The following PHF3 variants were observed in gnomAD, a reference collection of about 807,000 sequenced individuals.
The protein encoded by PHF3 is PHD finger protein 3.
Under a neutral mutation model 178.4 loss-of-function variants are expected in PHF3, and 41 were observed. The ratio of observed to expected loss-of-function variants is 0.23; its 90% confidence interval spans 0.18 to 0.30. PHF3 has a LOEUF of 0.30. Among genes scored for constraint, PHF3 ranks in the 10% least tolerant of loss-of-function variants. The pLI is 1.00. For missense variants in PHF3, 2,346 were observed against 2,398.1 expected, an observed-to-expected ratio of 0.98 and a Z score of 0.45; for synonymous variants, 842 against 800.5, an observed-to-expected ratio of 1.05 and a Z score of -0.88.
intron 4 of PHF3, among the ~76,000 whole-genome samples, chr6:63,687,968 A>G (rs773101582): frequency 2.0e-5 from 3 of 152,022 alleles, no homozygotes; most frequent in Non-Finnish European, 4.4e-5. Flanking sequence ...CGATTACTTC[A>G]ATTTTGTGAA....
Position 63,657,691 on chromosome 6 carries a change from G to T in PHF3, c.244+10896G>T, listed in dbSNP as rs568730808. Among the ~76,000 whole-genome samples the T allele has an allele frequency of 1.7e-3, 256 of 152,270 alleles. 3 individuals are homozygous for T. The highest frequency in any genetic ancestry group is 6.0e-3 in the African/African-American group (249 of 41,556). On this transcript the variant is annotated intron_variant, in intron 2 of 15. Coordinates refer to ENST00000262043, the MANE Select transcript of PHF3 (RefSeq NM_001370348.2). ...GTGGCAGAGGTAGAAGAAAATCGATGTATAAGTGGAACTGCGCAGTTCAAA... is the reference window on the plus strand; with the variant it reads ...GTGGCAGAGGTAGAAGAAAATCGATTTATAAGTGGAACTGCGCAGTTCAAA...
chr6:63,688,900 C>T (rs145343280), intron 4 of PHF3, among the ~76,000 whole-genome samples: 107 of 152,304 alleles, frequency 7.0e-4, no homozygotes, highest in Middle Eastern at 3.4e-3. Context: ...TTTGCAACAG[C>T]TTTGCCTCTG....
In PHF3 at chr6:63,716,582, G is replaced by C. The variant is rs1412975816; in HGVS notation, c.*2874G>C. ...AACCACACAAATTTATGATCTTACG[G>C]TTCTGTGGATCAGAAGTCTGTGCAG... On this transcript the variant is annotated 3_prime_UTR_variant, in exon 16 of 16. Transcript: ENST00000262043. 6.6e-6 allele frequency among the ~76,000 whole-genome samples: 1 copy of C among 152,086 alleles called. No homozygotes were observed. The highest frequency in any genetic ancestry group is 1.9e-4 in the East Asian group (1 of 5,190).
rs564761646 is a variant in PHF3, at chr6:63,660,825, G to A, written c.244+14030G>A. Among the ~76,000 whole-genome samples, 8 of 152,296 alleles carry A rather than the reference G, an allele frequency of 5.3e-5. No homozygotes were observed. In the East Asian group the frequency reaches 9.6e-4, roughly 18 times the overall value. ...CTACCTCTTAACTCGACAATCAGCA[G>A]GCTTGCTTACTGCTCACTATAAAAG... On this transcript the variant is annotated intron_variant, in intron 2 of 15. Coordinates refer to ENST00000262043, the MANE Select transcript of PHF3 (RefSeq NM_001370348.2).
In PHF3 at chr6:63,720,764, G is replaced by A; in HGVS notation, c.*7056G>A. The A allele has an allele frequency of 6.5e-7, 1 of 1,550,290 alleles. No homozygotes were observed. The highest frequency in any genetic ancestry group is 8.7e-7 in the Non-Finnish European group (1 of 1,146,256). On this transcript the variant is annotated 3_prime_UTR_variant, in exon 16 of 16. Coordinates refer to ENST00000262043, the MANE Select transcript of PHF3 (RefSeq NM_001370348.2). ...TATTTACCTTTCTACCATATTCAAA[G>A]CCCCCTAGATAACAAATGCCATCAT...
chr6:63,654,856 T>C (rs569845559), intron 2 of PHF3, among the ~76,000 whole-genome samples: 1 of 151,144 alleles, frequency 6.6e-6, no homozygotes, highest in South Asian at 2.1e-4. Flanking sequence ...CAGTGGGGAT[T>C]CAGGCATCAG....
intron 2 of PHF3, among the ~76,000 whole-genome samples, chr6:63,656,112 G>A (rs934034907): frequency 1.3e-5 from 2 of 152,214 alleles, no homozygotes; most frequent in African/African-American, 4.8e-5. Flanking sequence ...AAAATCCAGA[G>A]TAGGGAATTT....
chr6:63,644,293 T>A (rs1764691155), intron 1 of PHF3, among the ~76,000 whole-genome samples: 1 of 152,208 alleles, frequency 6.6e-6, no homozygotes, highest in South Asian at 2.1e-4. Context: ...TCCAGTATGT[T>A]CAGATAAATG....
In PHF3 at chr6:63,636,156, T is replaced by A; in HGVS notation, c.-26+6T>A. 2.6e-6 allele frequency: 1 copy of A among 384,462 alleles called. No individual in the cohort carries two copies. Among genetic ancestry groups the A allele is most frequent in the Non-Finnish European group, 4.6e-6 (1 of 217,792 alleles). 23.8% of individuals were successfully genotyped at this position (384,462 alleles called of 1,614,324 possible). A position where few individuals can be genotyped will look rare whatever the true frequency, so the allele number is the denominator to read the frequency against. On this transcript the variant is annotated splice_donor_region_variant and intron_variant, in intron 1 of 15. Coordinates refer to ENST00000262043, the MANE Select transcript of PHF3 (RefSeq NM_001370348.2). ...CGCTCGTCTGGCGGAGCTGGGTGAG[T>A]TGCGGCTGTGGCCGCGGCCAGGGAG...
intron 2 of PHF3, among the ~76,000 whole-genome samples, chr6:63,662,560 C>T (rs1449643721): frequency 6.6e-6 from 1 of 152,146 alleles, no homozygotes; most frequent in East Asian, 1.9e-4. Context: ...TTTTCCCTTC[C>T]ATATTTATTG....
chr6:63,675,604 G>T (rs1766131103), intron 2 of PHF3, among the ~76,000 whole-genome samples: 1 of 152,178 alleles, frequency 6.6e-6, no homozygotes, highest in Admixed American at 6.5e-5. Context: ...GAAGTGTGTT[G>T]TCAGGAGGAG....
At position 63,719,419 on chromosome 6, in the gene PHF3, C is replaced by T. The variant is rs1768288653; in HGVS notation, c.*5711C>T. On this transcript the variant is annotated 3_prime_UTR_variant, in exon 16 of 16. Coordinates refer to ENST00000262043, the MANE Select transcript of PHF3 (RefSeq NM_001370348.2). ...TGCTTATTACTAAGATTTTTTTCTC[C>T]AGATGACCTATTCTACCTGTTAGTT... 6.6e-6 allele frequency among the ~76,000 whole-genome samples: 1 copy of T among 150,636 alleles called. No individual in the cohort carries two copies. Among genetic ancestry groups the T allele is most frequent in the South Asian group, 2.1e-4 (1 of 4,820 alleles).
intron 1 of PHF3, among the ~76,000 whole-genome samples, chr6:63,646,107 T>C (rs532596552): frequency 6.6e-5 from 10 of 152,322 alleles, no homozygotes; most frequent in African/African-American, 2.4e-4. Flanking sequence ...AAATATTTGA[T>C]TTTAGCTCTT....
intron 12 of PHF3, 62 bp downstream of exon 12, chr6:63,706,286 C>T: frequency 7.8e-7 from 1 of 1,276,874 alleles, no homozygotes; most frequent in Non-Finnish European, 1.1e-6. Context: ...ATTATACTTG[C>T]AAGTCTTCAA....
chr6:63,698,655 T>C, intron 8 of PHF3, 50 bp downstream of exon 8: 1 of 1,301,626 alleles, frequency 7.7e-7, no homozygotes, highest in Non-Finnish European at 1.1e-6. Context: ...CCTGAGTACA[T>C]AGGTATCTCA....
chr6:63,653,263 ATCTATACAC>A lies in PHF3; in HGVS notation c.244+6470_244+6478del, dbSNP rs1196833004. The stretch of plus-strand genomic sequence containing the variant: ...GGTATTTTGGTAGGCATTGCATTGA[ATCTATACAC>A]TGCTTTTGGTAGGTAATGTGGTCAT... On this transcript the variant is annotated intron_variant, in intron 2 of 15. Transcript: ENST00000262043. Among the ~76,000 whole-genome samples, 4 of 151,584 alleles carry A rather than the reference ATCTATACAC, an allele frequency of 2.6e-5. No individual in the cohort carries two copies. The East Asian group carries it at 5.8e-4, about 22-fold the overall frequency.
At chr6:63,705,670 C>A (rs950308172) in intron 11 of PHF3, among the ~76,000 whole-genome samples, 3 of 152,110 alleles carry the variant, frequency 2.0e-5, no homozygotes, top group Non-Finnish European at 2.9e-5. Context: ...CTAATCTTGT[C>A]CATATTTACT....
chr6:63,684,298 G>A lies in PHF3; in HGVS notation c.576G>A (p.Glu192=). 6.2e-7 allele frequency: 1 copy of A among 1,613,970 alleles called. No homozygotes were observed. The highest frequency in any genetic ancestry group is 8.5e-7 in the Non-Finnish European group (1 of 1,179,878). ...KEEVCMSLKP[E]YHKENRRCSR... ...AAGTATGTATGTCACTGAAACCTGA[G>A]TACCATAAGGAGAATAGAAGGTGCA... Residue 192 remains glutamate, a synonymous_variant, in exon 4 of 16, where the codon GAG becomes GAA. Transcript: ENST00000262043.
intron 13 of PHF3, 89 bp downstream of exon 13, chr6:63,706,965 A>G: frequency 9.0e-7 from 1 of 1,106,842 alleles, no homozygotes. Flanking sequence ...AGAGTTAGTA[A>G]TAGAAATATT....
Sources: gnomAD v4.1 joint callset for allele counts (sites outside exome capture counted in the v4.1 genomes callset) on GRCh38, gnomAD v4.1.1 for gene constraint, MANE v1.5 for transcripts, NCBI Gene and HGNC (gene_info 2026-07-23, HGNC 2026-07-21) for gene names.